Variants in ERC2 observed in about 807,000 individuals in gnomAD.
ERC2 encodes the protein ELKS/RAB6-interacting/CAST family member 2, also known as ERC protein 2.
Under a neutral mutation model 114.8 loss-of-function variants are expected in ERC2, and 42 were observed. That is an observed-to-expected ratio of 0.37 (90% CI 0.29 to 0.47). The LOEUF is 0.47. Among genes scored for constraint, ERC2 ranks in the 20% least tolerant of loss-of-function variants. The pLI is 0.99. For missense variants in ERC2, 939 were observed against 1,150.7 expected (o/e 0.82, Z 2.66); for synonymous variants, 454 against 425.5 (o/e 1.07, Z -0.82).
chr3:55,758,704 T>C (rs2067219095), intron 14 of ERC2, among the ~76,000 whole-genome samples: 1 of 152,194 alleles, frequency 6.6e-6, no homozygotes, highest in Non-Finnish European at 1.5e-5. Context: ...TATAAGGAAG[T>C]GTGGATATGG....
At chr3:55,864,166 T>TAC (rs1491122887) in intron 14 of ERC2, among the ~76,000 whole-genome samples, 6 of 115,512 alleles carry the variant, frequency 5.2e-5, no homozygotes, top group African/African-American at 2.3e-4. Flanking sequence ...CACATATATA[T>TAC]ACACATATAT....
chr3:56,277,315 G>A (rs967431831), intron 3 of ERC2, among the ~76,000 whole-genome samples: 16 of 152,082 alleles, frequency 1.1e-4, no homozygotes, highest in African/African-American at 3.6e-4. Flanking sequence ...AGGGACAGGG[G>A]GAGGTGAAGG....
intron 13 of ERC2, among the ~76,000 whole-genome samples, chr3:55,900,236 T>A (rs2064062419): frequency 6.6e-6 from 1 of 152,250 alleles, no homozygotes; most frequent in South Asian, 2.1e-4. Context: ...AAAGTTCCTA[T>A]GGGTTTTGGA....
At chr3:55,630,290 C>T (rs1310847210) in intron 17 of ERC2, among the ~76,000 whole-genome samples, 4 of 152,164 alleles carry the variant, frequency 2.6e-5, no homozygotes, top group African/African-American at 4.8e-5. Flanking sequence ...CTGCCTCCGC[C>T]GCCTGAGTAG....
At chr3:55,828,708 G>T (rs754230094) in intron 14 of ERC2, among the ~76,000 whole-genome samples, 1 of 152,064 alleles carries the variant, frequency 6.6e-6, no homozygotes, top group African/African-American at 2.4e-5. Flanking sequence ...AAAACTTAAT[G>T]GACACTGAGA....
chr3:55,872,518 A>T (rs1036706292), intron 14 of ERC2, among the ~76,000 whole-genome samples: 39 of 152,236 alleles, frequency 2.6e-4, no homozygotes, highest in Admixed American at 2.5e-3. Flanking sequence ...AAAGCCTGCA[A>T]AGGAAAGCTT....
chr3:56,173,547 C>A (rs1184334473), intron 3 of ERC2, 27 bp from the exon 4 acceptor site: 1 of 1,608,222 alleles, frequency 6.2e-7, no homozygotes, highest in East Asian at 2.2e-5. Context: ...TAGAAATAAG[C>A]CTGACGGTTC....
chr3:56,145,689 G>C (rs2081099894), intron 5 of ERC2, among the ~76,000 whole-genome samples: 1 of 152,108 alleles, frequency 6.6e-6, no homozygotes, highest in African/African-American at 2.4e-5. Flanking sequence ...TTGTATTCCT[G>C]CCTTTGCACA....
intron 17 of ERC2, chr3:55,659,342 A>T (rs2061016749): frequency 6.6e-6 from 1 of 152,222 alleles, no homozygotes; most frequent in South Asian, 2.1e-4. Context: ...TAATATTTGC[A>T]TGATGATTTG....
At chr3:56,006,926 A>G (rs1384157819) in intron 10 of ERC2, among the ~76,000 whole-genome samples, 1 of 152,036 alleles carries the variant, frequency 6.6e-6, no homozygotes, top group African/African-American at 2.4e-5. Flanking sequence ...GGTTTTTATA[A>G]TATTTTTAAC....
Position 55,992,097 on chromosome 3 carries a change from C to T in ERC2, c.2215G>A (p.Glu739Lys), listed in dbSNP as rs267599908. The T allele has an allele frequency of 6.2e-7, 1 of 1,613,768 alleles. No homozygotes were observed. Among genetic ancestry groups the T allele is most frequent in the South Asian group, 1.1e-5 (1 of 91,040 alleles). ...ATCTTCTTGTCCTTGTCATTCTTCTCATTCTCCACCTCCTTGAGGATCTCC... is the reference window on the plus strand; with the variant it reads ...ATCTTCTTGTCCTTGTCATTCTTCTTATTCTCCACCTCCTTGAGGATCTCC... ...LLEILKEVENEKNDKDKKIAE... is the reference protein window; with the variant it reads ...LLEILKEVENKKNDKDKKIAE... The change falls in exon 11 of 18, where the codon GAG becomes AAG. Residue 739 changes from glutamate to lysine, a missense_variant. Glu to Lys is a moderately conservative substitution (Grantham distance 56, BLOSUM62 1). Coordinates refer to ENST00000288221, the MANE Select transcript of ERC2 (RefSeq NM_015576.3).
At chr3:56,166,320 T>C (rs933368546) in intron 4 of ERC2, among the ~76,000 whole-genome samples, 1 of 152,088 alleles carries the variant, frequency 6.6e-6, no homozygotes, top group South Asian at 2.1e-4. Context: ...GGAGATTGCT[T>C]GTAATTTTCC....
chr3:55,562,684 C>T (rs1355009941), intron 17 of ERC2, among the ~76,000 whole-genome samples: 1 of 152,168 alleles, frequency 6.6e-6, no homozygotes, highest in East Asian at 1.9e-4. Context: ...CAATTGCCCT[C>T]CCATCCCTTT....
chr3:56,130,143 T>G (rs1560222235), intron 6 of ERC2, among the ~76,000 whole-genome samples: 1 of 152,042 alleles, frequency 6.6e-6, no homozygotes, highest in African/African-American at 2.4e-5. Context: ...CAATGGAAAA[T>G]AAGGTGTTTG....
At chr3:55,719,478 T>C (rs2064320151) in intron 15 of ERC2, among the ~76,000 whole-genome samples, 1 of 152,140 alleles carries the variant, frequency 6.6e-6, no homozygotes, top group Non-Finnish European at 1.5e-5. Context: ...ACTTGGAAAA[T>C]GTTGGAAACA....
intron 7 of ERC2, among the ~76,000 whole-genome samples, chr3:56,070,180 T>TA (rs1489639506): frequency 7.9e-5 from 12 of 152,050 alleles, no homozygotes; most frequent in African/African-American, 2.7e-4. Context: ...AAAAGATAAG[T>TA]AAAAAAAGAC....
At chr3:55,542,116 T>C (rs939105848) in intron 17 of ERC2, among the ~76,000 whole-genome samples, 1 of 152,212 alleles carries the variant, frequency 6.6e-6, no homozygotes, top group East Asian at 1.9e-4. Context: ...AGGATTTATA[T>C]AGGATGAAGC....
intron 14 of ERC2, among the ~76,000 whole-genome samples, chr3:55,773,118 G>A (rs2068345640): frequency 6.6e-6 from 1 of 152,176 alleles, no homozygotes; most frequent in South Asian, 2.1e-4. Context: ...CTTCCCAAAG[G>A]TCTCTGCATT....
intron 2 of ERC2, among the ~76,000 whole-genome samples, chr3:56,315,545 G>A (rs917075289): frequency 2.6e-5 from 4 of 151,952 alleles, no homozygotes; most frequent in African/African-American, 9.7e-5. Context: ...TCCTTAAAAC[G>A]AAGACTCAGA....
Sources: allele counts gnomAD v4.1 joint callset (sites outside exome capture counted in the v4.1 genomes callset), GRCh38; gene constraint gnomAD v4.1.1; transcripts MANE v1.5; gene names NCBI Gene and HGNC (gene_info 2026-07-23, HGNC 2026-07-21).